The following MUC4 variants were observed in gnomAD, a reference collection of about 807,000 sequenced individuals.
MUC4 encodes the protein mucin-4.
MUC4 carries 202 observed loss-of-function variants against 257.9 expected under a neutral mutation model. The observed-to-expected ratio is 0.78, with a 90% CI of 0.70 to 0.88. The LOEUF is 0.88. Ranked by LOEUF, MUC4 falls within the 40% of genes least tolerant of loss-of-function variation. The pLI, the probability that MUC4 is intolerant of heterozygous loss-of-function variation, is 0.00. For synonymous variants in MUC4, 2,351 were observed against 2,757.1 expected (o/e 0.85, Z 4.62); for missense variants, 5,976 against 6,513.7 (o/e 0.92, Z 2.84).
Position 195,786,458 on chromosome 3 carries a change from C to A in MUC4, c.5122G>T (p.Gly1708Cys), listed in dbSNP as rs555701901. The A allele has an allele frequency of 3.4e-4, 520 of 1,526,136 alleles. 1 individual carries two copies. In the African/African-American group the frequency reaches 6.3e-3, roughly 18 times the overall value. 94.5% of individuals were successfully genotyped at this position (1,526,136 alleles called of 1,614,324 possible). The change falls in exon 2 of 25, where the codon GGT becomes TGT. Residue 1708 changes from glycine (G) to cysteine (C), a missense_variant. This residue lies in a region of MUC4 where 138 missense variants were observed against 107.8 expected (regional missense o/e 1.28). Coordinates refer to ENST00000463781, the MANE Select transcript of MUC4 (RefSeq NM_018406.7). ...GTGACAGGAAGAGGGGTGGCCTGAC[C>A]TGTGGATGCCGAGGAAACGTCGGTG... Reference protein sequence around the residue: ...PVTDVSSASTGQATPLPVTSL... With the variant: ...PVTDVSSASTCQATPLPVTSL...
Position 195,783,618 on chromosome 3 carries a change from G to C in MUC4, c.7962C>G (p.Ala2654=). The C allele has an allele frequency of 2.8e-6, 1 of 358,682 alleles. No individual in the cohort carries two copies. The highest frequency in any genetic ancestry group is 3.5e-5 in the East Asian group (1 of 28,250). The allele number at this position is 358,682 out of a possible 1,614,324, so 22.2% of individuals were successfully genotyped here. A position where few individuals can be genotyped will look rare whatever the true frequency, so the allele number is the denominator to read the frequency against. ...TDASSASTGQ[A]TPLPVTSLSS... ...AAAGGCTGGTGACAGGAAGAGGGGT[G>C]GCCTGACCTGTGGATGCTGAGGAAG... is the stretch of plus-strand genomic sequence containing the variant. The change falls in exon 2 of 25, where the codon GCC becomes GCG. Residue 2654 remains alanine, a synonymous_variant. Coordinates refer to ENST00000463781, the MANE Select transcript of MUC4 (RefSeq NM_018406.7).
At position 195,790,034 on chromosome 3, in the gene MUC4, G is replaced by A. The variant is rs1305678035; in HGVS notation, c.1546C>T (p.Leu516Phe). 1 of 1,614,044 alleles carries A rather than the reference G, an allele frequency of 6.2e-7. No individual in the cohort carries two copies. Among genetic ancestry groups the A allele is most frequent in the Non-Finnish European group, 8.5e-7 (1 of 1,179,892 alleles). The part of the protein sequence containing the change: ...PSTSTGAATR[L>F]VTGNPSTGTA... ...CCTGTAGATGGATTTCCTGTGACAAGCCTAGTGGCAGCACCTGTTGATGTT... is the reference window on the plus strand; with the variant it reads ...CCTGTAGATGGATTTCCTGTGACAAACCTAGTGGCAGCACCTGTTGATGTT... Residue 516 changes from leucine (L) to phenylalanine (F), a missense_variant, in exon 2 of 25, where the codon CTT becomes TTT. Transcript: ENST00000463781.
At chr3:195,809,726 T>C (rs1250159078) in intron 1 of MUC4, 1 of 152,432 alleles carries the variant, frequency 6.6e-6, no homozygotes, top group Non-Finnish European at 1.5e-5. Context: ...CCCCACTTCC[T>C]GGCTCCACAT....
rs1239087551 is a variant in MUC4 at position 195,782,900 on chromosome 3, C to T, written c.8680G>A (p.Ala2894Thr). ...AGGCTGGTGAGAGGAAGAGGGGTAG[C>T]GTGACCTGTGGACACTGAGGAAGCG... ...TDASSVSTGHATPLPLTSLSS... is the reference protein window; with the variant it reads ...TDASSVSTGHTTPLPLTSLSS... Residue 2894 changes from alanine (A) to threonine (T), a missense_variant, in exon 2 of 25, where the codon GCT (alanine) becomes ACT (threonine). Ala to Thr is a moderately conservative substitution (Grantham distance 58). Around this residue, in one of 44 missense-constraint regions of MUC4, gnomAD observed 228 missense variants for 206.3 expected, o/e 1.11. Transcript: ENST00000463781. The T allele has an allele frequency of 1.4e-4, 217 of 1,504,436 alleles. 8 individuals are homozygous for T. The highest frequency in any genetic ancestry group is 1.8e-4 in the East Asian group (7 of 39,494). 93.2% of individuals were successfully genotyped at this position (1,504,436 alleles called of 1,614,324 possible).
rs1308956909 is a variant in MUC4, at chr3:195,763,417, G to A, written c.14253+16C>T. On this transcript the variant is annotated intron_variant, in intron 12 of 24. Transcript: ENST00000463781. ...GTGGGTGGAATGCAGGGAGGTTCCC[G>A]GCACCCCTCACTCACCGTGACGGGG... 20 of 1,399,690 alleles carry A rather than the reference G, an allele frequency of 1.4e-5. No individual in the cohort carries two copies. Among genetic ancestry groups the A allele is most frequent in the East Asian group, 2.8e-5 (1 of 35,660 alleles). The allele number at this position is 1,399,690 out of a possible 1,614,324, so 86.7% of individuals were successfully genotyped here. A position where few individuals can be genotyped will look rare whatever the true frequency, so the allele number is the denominator to read the frequency against.
intron 8 of MUC4, among the ~76,000 whole-genome samples, chr3:195,765,958 C>G (rs1720375124): frequency 6.6e-6 from 1 of 152,116 alleles, no homozygotes; most frequent in Non-Finnish European, 1.5e-5. Flanking sequence ...CGGGCCTCTT[C>G]TTGGTGGATT....
chr3:195,793,951 C>T (rs1734205117), intron 1 of MUC4, among the ~76,000 whole-genome samples: 2 of 151,806 alleles, frequency 1.3e-5, no homozygotes, highest in South Asian at 2.1e-4. Flanking sequence ...AAAATTATTT[C>T]CCAGGCAGAG....
intron 3 of MUC4, among the ~76,000 whole-genome samples, chr3:195,775,071 G>A (rs530903673): frequency 6.6e-6 from 1 of 151,986 alleles, no homozygotes; most frequent in African/African-American, 2.4e-5. Context: ...TCCAGTTTGA[G>A]AAACCTTGTC....
chr3:195,768,850 G>T, intron 7 of MUC4, among the ~76,000 whole-genome samples, 172 bp downstream of exon 7: 1 of 152,158 alleles, frequency 6.6e-6, no homozygotes, highest in East Asian at 1.9e-4. Flanking sequence ...TGATCTTGTC[G>T]TGGGAAGCAG....
chr3:195,807,599 G>A (rs1266800345), intron 1 of MUC4, among the ~76,000 whole-genome samples: 4 of 152,158 alleles, frequency 2.6e-5, no homozygotes, highest in Non-Finnish European at 5.9e-5. Context: ...ATGCTGGGGC[G>A]GGAACTCAGC....
Position 195,791,380 on chromosome 3 carries a change from T to G in MUC4, c.200A>C (p.Asn67Thr), listed in dbSNP as rs755160933. 8 of 1,614,006 alleles carry G rather than the reference T, an allele frequency of 5.0e-6. No homozygotes were observed. Residue 67 changes from asparagine (N) to threonine (T), a missense_variant, in exon 2 of 25, where the codon AAT (asparagine) becomes ACT (threonine). Coordinates refer to ENST00000463781, the MANE Select transcript of MUC4 (RefSeq NM_018406.7). Reference sequence around the variant, plus strand: ...CTGAGATGAAGCTGATATGTCCTGATTAGAGGTCCTTGAAGAAGCTGCAGT... The same window carrying G: ...CTGAGATGAAGCTGATATGTCCTGAGTAGAGGTCCTTGAAGAAGCTGCAGT... ...QSTAASSRTSNQDISASSQNH... is the reference protein window; with the variant it reads ...QSTAASSRTSTQDISASSQNH...
chr3:195,794,396 AAG>A (rs974281830), intron 1 of MUC4, among the ~76,000 whole-genome samples: 5 of 148,242 alleles, frequency 3.4e-5, no homozygotes, highest in South Asian at 2.1e-4. Context: ...AGAGAGAAGA[AAG>A]AGAGAGAGAG....
chr3:195,763,412 T>C, intron 12 of MUC4, 21 bp downstream of exon 12: 1 of 1,398,024 alleles, frequency 7.2e-7, no homozygotes, highest in Non-Finnish European at 9.3e-7. Context: ...TGCAGGGAGG[T>C]TCCCGGCACC....
In MUC4 at chr3:195,788,309, C is replaced by G. The variant is rs756434853; in HGVS notation, c.3271G>C (p.Val1091Leu). The G allele has an allele frequency of 3.2e-6, 5 of 1,546,712 alleles. No homozygotes were observed. The South Asian group carries it at 6.0e-5, about 18-fold the overall frequency. The change falls in exon 2 of 25, where the codon GTC becomes CTC. Residue 1091 changes from valine (V) to leucine (L), a missense_variant. By Grantham distance (32) the Val-to-Leu change is conservative (BLOSUM62 1). Coordinates refer to ENST00000463781, the MANE Select transcript of MUC4 (RefSeq NM_018406.7). ...ASTGDTTPLP[V>L]TDTSSASTGH... Reference sequence around the variant, plus strand: ...GTGGATGCTGAGGAAGTGTCAGTGACAGGAAGAGGGGTGGTGTCACCTGTG... The same window carrying G: ...GTGGATGCTGAGGAAGTGTCAGTGAGAGGAAGAGGGGTGGTGTCACCTGTG...
At chr3:195,760,642 G>GTGA (rs1222155858) in intron 16 of MUC4, among the ~76,000 whole-genome samples, 4,451 of 107,054 alleles carry the variant, frequency 0.042, 496 homozygotes, top group African/African-American at 0.18. Flanking sequence ...AGGATGGACG[G>GTGA]AGGGGGCTGG....
chr3:195,773,737 C>A (rs1723705516), intron 4 of MUC4, among the ~76,000 whole-genome samples: 1 of 151,616 alleles, frequency 6.6e-6, no homozygotes, highest in South Asian at 2.1e-4. Context: ...GACACCCTCT[C>A]TCTATCGCTC....
intron 1 of MUC4, among the ~76,000 whole-genome samples, chr3:195,793,609 C>T (rs994547274): frequency 1.3e-5 from 2 of 152,132 alleles, no homozygotes; most frequent in Non-Finnish European, 2.9e-5. Context: ...CTAGAAAAAG[C>T]ACAGTTGCAG....
chr3:195,748,054 A>T (rs1328241420), intron 24 of MUC4, among the ~76,000 whole-genome samples: 1 of 142,970 alleles, frequency 7.0e-6, no homozygotes, highest in Non-Finnish European at 1.5e-5. Flanking sequence ...CTTCGGCGGG[A>T]TCTGGAACTG....
At chr3:195,765,907 G>A (rs141064091) in intron 8 of MUC4, among the ~76,000 whole-genome samples, 100 of 152,100 alleles carry the variant, frequency 6.6e-4, no homozygotes, top group Non-Finnish European at 1.3e-3. Flanking sequence ...TCCAGCACAC[G>A]GCAGGTGCCC....
Sources: gnomAD v4.1 joint callset for allele counts (sites outside exome capture counted in the v4.1 genomes callset) on GRCh38, gnomAD v4.1.1 for gene constraint, gnomAD v4.1.1 regional missense constraint, MANE v1.5 for transcripts, NCBI Gene and HGNC (gene_info 2026-07-23, HGNC 2026-07-21) for gene names.